PARD3: variants seen among roughly 807,000 people sequenced by gnomAD.
PARD3 encodes the protein par-3 family cell polarity regulator.
Under a neutral mutation model 155.4 loss-of-function variants are expected in PARD3, and 75 were observed. That is an observed-to-expected ratio of 0.48 (90% CI 0.40 to 0.58). The LOEUF is 0.58. Ranked by LOEUF, PARD3 falls within the 20% of genes least tolerant of loss-of-function variation. The probability of loss-of-function intolerance (pLI) is 0.00; values close to 1 mark genes in which losing one functional copy is unlikely to be tolerated. For synonymous variants in PARD3, 576 were observed against 610.5 expected (o/e 0.94, Z 0.83); for missense variants, 1,642 against 1,721.7 (o/e 0.95, Z 0.82).
intron 1 of PARD3, among the ~76,000 whole-genome samples, chr10:34,758,003 T>G (rs1836969394): frequency 6.6e-6 from 1 of 152,238 alleles, no homozygotes; most frequent in African/African-American, 2.4e-5. Context: ...AGCTTCCTTA[T>G]TGGCAGACTT....
intron 15 of PARD3, chr10:34,346,267 T>C: frequency 1.0e-5 from 12 of 1,158,132 alleles, no homozygotes; most frequent in Non-Finnish European, 1.3e-5. Context: ...AGAAAATGAA[T>C]GACTCTTCAA....
At chr10:34,343,250 T>C in intron 15 of PARD3, 1 of 789,142 alleles carries the variant, frequency 1.3e-6, no homozygotes, top group South Asian at 5.8e-5. Flanking sequence ...CACACGGGCA[T>C]AATTTATTAA....
intron 2 of PARD3, among the ~76,000 whole-genome samples, chr10:34,654,986 C>T (rs1007381777): frequency 6.6e-6 from 1 of 151,982 alleles, no homozygotes; most frequent in African/African-American, 2.4e-5. Flanking sequence ...CGGACGTGCC[C>T]AGGACAAATC....
chr10:34,643,488 T>G (rs756432236), intron 2 of PARD3, among the ~76,000 whole-genome samples: 7 of 152,248 alleles, frequency 4.6e-5, no homozygotes, highest in Non-Finnish European at 1.0e-4. Context: ...CACAGAAACA[T>G]AAAACGAATA....
chr10:34,255,235 A>G (rs996903424), intron 22 of PARD3, among the ~76,000 whole-genome samples: 1 of 152,140 alleles, frequency 6.6e-6, no homozygotes, highest in Non-Finnish European at 1.5e-5. Context: ...GCCAACTGCC[A>G]GAAAAAAAAT....
intron 5 of PARD3, among the ~76,000 whole-genome samples, chr10:34,419,538 A>G (rs1845993267): frequency 6.6e-6 from 1 of 152,198 alleles, no homozygotes; most frequent in Admixed American, 6.5e-5. Flanking sequence ...AAAGAAAAGA[A>G]GTAATGTGCA....
At chr10:34,252,124 G>T (rs940462168) in intron 22 of PARD3, among the ~76,000 whole-genome samples, 1 of 152,166 alleles carries the variant, frequency 6.6e-6, no homozygotes, top group African/African-American at 2.4e-5. Context: ...TGGGGAGGGG[G>T]AGGGGAGAGC....
chr10:34,615,084 G>A (rs2091164264), intron 2 of PARD3, among the ~76,000 whole-genome samples: 1 of 152,118 alleles, frequency 6.6e-6, no homozygotes, highest in Non-Finnish European at 1.5e-5. Context: ...GGGAGGCTGA[G>A]GCAGGAGAAT....
intron 1 of PARD3, among the ~76,000 whole-genome samples, chr10:34,770,377 G>T (rs781609564): frequency 6.6e-6 from 1 of 152,032 alleles, no homozygotes; most frequent in African/African-American, 2.4e-5. Context: ...ATGACACCTC[G>T]AGCCCTCGGC....
chr10:34,413,144 T>TACACACAC lies in PARD3; in HGVS notation c.715-11235_715-11228dup, dbSNP rs146779470. Among the ~76,000 whole-genome samples the TACACACAC allele has an allele frequency of 9.6e-5, 14 of 145,882 alleles. No homozygotes were observed. In the East Asian group the frequency reaches 1.0e-3, roughly 10 times the overall value. ...CATTAGGCAGTACTTCAGATATATATACACACACACACACACACACACACA... is the reference window on the plus strand; with the variant it reads ...CATTAGGCAGTACTTCAGATATATATACACACACACACACACACACACACACACACACA... On this transcript the variant is annotated intron_variant, in intron 5 of 24. Transcript: ENST00000374788.
chr10:34,143,113 A>G (rs1170224322), intron 22 of PARD3, among the ~76,000 whole-genome samples: 2 of 152,186 alleles, frequency 1.3e-5, no homozygotes, highest in African/African-American at 2.4e-5. Context: ...CGAGGTCAAG[A>G]GATCAAGACC....
chr10:34,111,890 C>T (rs1319746316), intron 24 of PARD3, among the ~76,000 whole-genome samples: 2 of 152,182 alleles, frequency 1.3e-5, no homozygotes, highest in African/African-American at 4.8e-5. Context: ...AATTTAGACA[C>T]ACTGGCAAAG....
intron 5 of PARD3, among the ~76,000 whole-genome samples, chr10:34,407,925 T>C (rs1192951582): frequency 6.6e-6 from 1 of 151,830 alleles, no homozygotes; most frequent in Non-Finnish European, 1.5e-5. Context: ...GAGACTAGAA[T>C]CCTGCCTCCA....
At chr10:34,616,906 G>A (rs1195942838) in intron 2 of PARD3, among the ~76,000 whole-genome samples, 1 of 145,484 alleles carries the variant, frequency 6.9e-6, no homozygotes, top group East Asian at 2.0e-4. Context: ...CTGCACTCCA[G>A]CTTGGGCAAC....
rs140798855 is a variant in PARD3, at chr10:34,328,225, T to C, written c.2833+2892A>G. 1.6e-3 allele frequency among the ~76,000 whole-genome samples: 251 copies of C among 152,310 alleles called. 1 individual carries two copies. Among genetic ancestry groups the C allele is most frequent in the African/African-American group, 5.5e-3 (227 of 41,572 alleles). On this transcript the variant is annotated intron_variant, in intron 19 of 24. Coordinates refer to ENST00000374788, the MANE Select transcript of PARD3 (RefSeq NM_001184785.2). Reference sequence around the variant, plus strand: ...AGTGCATACAAGGTCCAGTGTGGGATACCTCACTCACCCACTCATCGATTT... The same window carrying C: ...AGTGCATACAAGGTCCAGTGTGGGACACCTCACTCACCCACTCATCGATTT...
intron 3 of PARD3, among the ~76,000 whole-genome samples, chr10:34,493,302 C>G (rs2080041758): frequency 6.6e-6 from 1 of 152,194 alleles, no homozygotes; most frequent in South Asian, 2.1e-4. Context: ...CCAATGTCTT[C>G]AATCAATTCA....
intron 1 of PARD3, among the ~76,000 whole-genome samples, chr10:34,796,759 TG>T (rs1445054424): frequency 6.6e-6 from 1 of 152,042 alleles, no homozygotes; most frequent in Non-Finnish European, 1.5e-5. Flanking sequence ...CCGAGGCGAG[TG>T]GATCACCTGA....
rs554031662 is a variant in PARD3 at position 34,691,728 on chromosome 10, T to C, written c.222+4590A>G. Among the ~76,000 whole-genome samples, 209 of 152,330 alleles carry C rather than the reference T, an allele frequency of 1.4e-3. 1 individual carries two copies. Among genetic ancestry groups the C allele is most frequent in the African/African-American group, 4.6e-3 (191 of 41,572 alleles). The stretch of plus-strand genomic sequence containing the variant: ...TACAGTAACCAAAACAGCATGGTAC[T>C]GGTACAAAAATGGACACACAGACCC... On this transcript the variant is annotated intron_variant, in intron 2 of 24. Transcript: ENST00000374788.
At chr10:34,517,280 G>C (rs977377770) in intron 2 of PARD3, 121 bp from the exon 3 acceptor site, 30 of 838,286 alleles carry the variant, frequency 3.6e-5, no homozygotes, top group Non-Finnish European at 4.9e-5. Flanking sequence ...CCCTAGAATG[G>C]TAAGTTTTAC....
Sources: gnomAD v4.1 joint callset for allele counts (sites outside exome capture counted in the v4.1 genomes callset) on GRCh38, gnomAD v4.1.1 for gene constraint, MANE v1.5 for transcripts, NCBI Gene and HGNC (gene_info 2026-07-23, HGNC 2026-07-21) for gene names.